The following SNAP29 variants were observed in gnomAD, a reference collection of about 807,000 sequenced individuals.
The protein encoded by SNAP29 is synaptosome associated protein 29, also known as synaptosomal-associated protein 29.
SNAP29 carries 13 observed loss-of-function variants against 27.9 expected under a neutral mutation model. The observed-to-expected ratio is 0.47, with a 90% CI of 0.30 to 0.74. SNAP29 has a LOEUF of 0.74. Among genes scored for constraint, SNAP29 ranks in the 30% least tolerant of loss-of-function variants. The pLI, the probability that SNAP29 is intolerant of heterozygous loss-of-function variation, is 0.06. For missense variants in SNAP29, 368 were observed against 336.5 expected, an observed-to-expected ratio of 1.09 and a Z score of -0.73; for synonymous variants, 119 against 127.1, an observed-to-expected ratio of 0.94 and a Z score of 0.43.
chr22:20,877,519 G>T (rs1320867805), intron 2 of SNAP29, among the ~76,000 whole-genome samples: 1 of 151,938 alleles, frequency 6.6e-6, no homozygotes, highest in Non-Finnish European at 1.5e-5. Flanking sequence ...TCGCACCATT[G>T]TACCCCAGCC....
chr22:20,868,412 A>C (rs1313119890), intron 1 of SNAP29, among the ~76,000 whole-genome samples: 1 of 152,234 alleles, frequency 6.6e-6, no homozygotes, highest in Non-Finnish European at 1.5e-5. Flanking sequence ...AGTAAATTCA[A>C]CCAACCAGTG....
Position 20,859,142 on chromosome 22 carries a change from TCGA to T in SNAP29, c.41_43del (p.Asp14del). The stretch of plus-strand genomic sequence containing the variant: ...GCTTACCCTAAAAGCTACAATCCGT[TCGA>T]CGACGACGGGGAGGACGAAGGCGCC... On this transcript the variant is annotated inframe_deletion, in exon 1 of 5. Coordinates refer to ENST00000215730, the MANE Select transcript of SNAP29 (RefSeq NM_004782.4). The T allele has an allele frequency of 6.2e-7, 1 of 1,607,932 alleles. No individual in the cohort carries two copies. The highest frequency in any genetic ancestry group is 8.5e-7 in the Non-Finnish European group (1 of 1,178,260).
rs999038488 is a variant in SNAP29, at chr22:20,865,230, C to G, written c.238-5107C>G. On this transcript the variant is annotated intron_variant, in intron 1 of 4. Coordinates refer to ENST00000215730, the MANE Select transcript of SNAP29 (RefSeq NM_004782.4). ...ATTACCTGGGCATGGCGGTGCATGC[C>G]TGTAGTTCCAGCTACTCAGAAGGCT... Among the ~76,000 whole-genome samples, 4 of 152,210 alleles carry G rather than the reference C, an allele frequency of 2.6e-5. No individual in the cohort carries two copies. The East Asian group carries it at 7.7e-4, about 29-fold the overall frequency.
At chr22:20,864,553 AC>A (rs770746281) in intron 1 of SNAP29, among the ~76,000 whole-genome samples, 3 of 152,188 alleles carry the variant, frequency 2.0e-5, no homozygotes, top group Non-Finnish European at 2.9e-5. Context: ...GGCCGTACAG[AC>A]CAAAGTCACC....
At chr22:20,881,002 GT>G (rs2147871074) in intron 2 of SNAP29, 46 bp from the exon 3 acceptor site, 1 of 1,259,644 alleles carries the variant, frequency 7.9e-7, no homozygotes, top group East Asian at 2.3e-5. Context: ...TGTCATAGGG[GT>G]TTTTCCTTTT....
rs116046732 is a variant in SNAP29, at chr22:20,864,312, A to G, written c.237+4965A>G. 8.0e-4 allele frequency among the ~76,000 whole-genome samples: 122 copies of G among 152,282 alleles called. 1 individual carries two copies. Among genetic ancestry groups the G allele is most frequent in the African/African-American group, 2.9e-3 (120 of 41,568 alleles). ...TGCACTCAGCAGCCACCGCCAGCAC[A>G]TCCTCCACACCGTCTCGTGCAGGGG... On this transcript the variant is annotated intron_variant, in intron 1 of 4. Coordinates refer to ENST00000215730, the MANE Select transcript of SNAP29 (RefSeq NM_004782.4).
chr22:20,859,998 C>T (rs748987368), intron 1 of SNAP29, among the ~76,000 whole-genome samples: 10 of 152,138 alleles, frequency 6.6e-5, no homozygotes, highest in Non-Finnish European at 1.5e-4. Context: ...GAGTTTGTTG[C>T]TCCAACTCAT....
intron 2 of SNAP29, among the ~76,000 whole-genome samples, chr22:20,872,646 C>G (rs1176860592): frequency 6.6e-6 from 1 of 151,950 alleles, no homozygotes. Context: ...GTGATCCATC[C>G]GCCTCCGCCT....
In SNAP29 at chr22:20,889,504, A is replaced by G. The variant is rs1214603952; in HGVS notation, c.*1668A>G. ...ATCGAACTAGACATTTGTTTATTAG[A>G]TGAGCTCGGCATTATTATTTTCTCA... On this transcript the variant is annotated 3_prime_UTR_variant, in exon 5 of 5. Coordinates refer to ENST00000215730, the MANE Select transcript of SNAP29 (RefSeq NM_004782.4). The G allele has an allele frequency of 1.3e-5, 2 of 152,208 alleles. No individual in the cohort carries two copies. The highest frequency in any genetic ancestry group is 4.8e-5 in the African/African-American group (2 of 41,444). The allele number at this position is 152,208 out of a possible 1,614,324, so 9.4% of individuals were successfully genotyped here. A position where few individuals can be genotyped will look rare whatever the true frequency, so the allele number is the denominator to read the frequency against.
At chr22:20,866,890 T>C (rs1284267992) in intron 1 of SNAP29, among the ~76,000 whole-genome samples, 1 of 152,198 alleles carries the variant, frequency 6.6e-6, no homozygotes, top group East Asian at 1.9e-4. Flanking sequence ...ACAAAGAGTC[T>C]GCAGGGAGAG....
intron 4 of SNAP29, among the ~76,000 whole-genome samples, chr22:20,886,112 C>CTTT (rs362122): frequency 1.4e-5 from 2 of 145,750 alleles, no homozygotes; most frequent in African/African-American, 5.0e-5. Flanking sequence ...GAAGACTTAT[C>CTTT]TTTTTTTTTT....
chr22:20,884,331 T>TAA (rs397868049), intron 4 of SNAP29, among the ~76,000 whole-genome samples: 10 of 133,262 alleles, frequency 7.5e-5, no homozygotes, highest in Non-Finnish European at 9.7e-5. Flanking sequence ...AAACTCCACC[T>TAA]AAAAAAAAAA....
chr22:20,883,684 T>A, intron 4 of SNAP29, 115 bp downstream of exon 4: 3 of 744,472 alleles, frequency 4.0e-6, no homozygotes, highest in Non-Finnish European at 4.9e-6. Flanking sequence ...ACACATCACA[T>A]CCCACGCCAA....
In SNAP29 at chr22:20,889,458, G is replaced by GT. The variant is rs1929099762; in HGVS notation, c.*1623dup. 6.6e-6 allele frequency: 1 copy of GT among 152,214 alleles called. No homozygotes were observed. Among genetic ancestry groups the GT allele is most frequent in the Non-Finnish European group, 1.5e-5 (1 of 68,052 alleles). The allele number at this position is 152,214 out of a possible 1,614,324, so 9.4% of individuals were successfully genotyped here. ...ATGTCATTAACGACCATCCCAGGGT[G>GT]TGAGGGCCTGATTAAAGCTTATCGA... On this transcript the variant is annotated 3_prime_UTR_variant, in exon 5 of 5. Transcript: ENST00000215730.
intron 2 of SNAP29, among the ~76,000 whole-genome samples, chr22:20,874,907 C>T (rs549871645): frequency 6.6e-6 from 1 of 152,092 alleles, no homozygotes; most frequent in African/African-American, 2.4e-5. Flanking sequence ...AAGACATCCT[C>T]CATGTACAAA....
intron 4 of SNAP29, among the ~76,000 whole-genome samples, chr22:20,886,775 C>A (rs1197423159): frequency 6.6e-6 from 1 of 151,786 alleles, no homozygotes; most frequent in African/African-American, 2.4e-5. Flanking sequence ...CCACATCTGG[C>A]TAATTTTTAT....
At chr22:20,868,228 A>G (rs879374437) in intron 1 of SNAP29, among the ~76,000 whole-genome samples, 5 of 152,214 alleles carry the variant, frequency 3.3e-5, no homozygotes, top group Non-Finnish European at 7.3e-5. Context: ...AGCCCTTGCA[A>G]GATTTGCTTG....
At chr22:20,874,349 CCACACACACACACACACACACA>C (rs361854) in intron 2 of SNAP29, among the ~76,000 whole-genome samples, 4,805 of 123,508 alleles carry the variant, frequency 0.039, 121 homozygotes, top group East Asian at 0.083. Context: ...CGAAAATTAG[CCACACACACACACACACACACA>C]CACACACACA....
Position 20,888,720 on chromosome 22 carries a change from C to A in SNAP29, c.*884C>A, listed in dbSNP as rs967735766. 1.3e-5 allele frequency: 2 copies of A among 152,418 alleles called. No individual in the cohort carries two copies. Among genetic ancestry groups the A allele is most frequent in the East Asian group, 3.9e-4 (2 of 5,190 alleles). 9.4% of individuals were successfully genotyped at this position (152,418 alleles called of 1,614,324 possible). On this transcript the variant is annotated 3_prime_UTR_variant, in exon 5 of 5. Transcript: ENST00000215730. ...ATGCAGCTGCACAATGGTCTTCCTCCACCCCTCTGGGAATCACCATTAGGC... is the reference window on the plus strand; with the variant it reads ...ATGCAGCTGCACAATGGTCTTCCTCAACCCCTCTGGGAATCACCATTAGGC...
Sources: gnomAD v4.1 joint callset for allele counts (sites outside exome capture counted in the v4.1 genomes callset) on GRCh38, gnomAD v4.1.1 for gene constraint, MANE v1.5 for transcripts, NCBI Gene and HGNC (gene_info 2026-07-23, HGNC 2026-07-21) for gene names.